The following CDK14 variants were observed in gnomAD, a reference collection of about 807,000 sequenced individuals.
CDK14 encodes the protein cyclin-dependent kinase 14.
A neutral mutation model predicts 60.7 loss-of-function variants in CDK14; 34 were observed. That is an observed-to-expected ratio of 0.56 (90% CI 0.43 to 0.75). The LOEUF (loss-of-function observed/expected upper bound fraction) is 0.75. Ranked by LOEUF, CDK14 falls within the 30% of genes least tolerant of loss-of-function variation. CDK14 has a pLI of 0.00. For synonymous variants in CDK14, 197 were observed against 203.7 expected (o/e 0.97, Z 0.28); for missense variants, 482 against 564.1 (o/e 0.85, Z 1.47).
chr7:90,936,629 G>A (rs548985458), intron 8 of CDK14, among the ~76,000 whole-genome samples: 5 of 152,242 alleles, frequency 3.3e-5, no homozygotes, highest in Admixed American at 2.0e-4. Flanking sequence ...TGTATCTAAA[G>A]CTGAATAATT....
At chr7:90,778,085 A>C (rs1267839791) in intron 4 of CDK14, among the ~76,000 whole-genome samples, 2 of 152,186 alleles carry the variant, frequency 1.3e-5, no homozygotes, top group Admixed American at 6.5e-5. Flanking sequence ...AGTAACTCAT[A>C]AATTTATATG....
In CDK14 at chr7:90,932,740, C is replaced by T. The variant is rs143837855; in HGVS notation, c.826+15016C>T. On this transcript the variant is annotated intron_variant, in intron 8 of 14. Transcript: ENST00000380050. ...GTCTGAGTATGGCCTAGCTGGGTGC[C>T]TCTGCCTCCAGGTGTCCCTTCAGTC... Among the ~76,000 whole-genome samples, 24 of 152,314 alleles carry T rather than the reference C, an allele frequency of 1.6e-4. No homozygotes were observed. The East Asian group carries it at 4.3e-3, about 27-fold the overall frequency.
intron 10 of CDK14, among the ~76,000 whole-genome samples, chr7:90,997,655 T>G (rs1795721038): frequency 6.6e-6 from 1 of 152,216 alleles, no homozygotes; most frequent in Non-Finnish European, 1.5e-5. Flanking sequence ...GTTTGCCAAG[T>G]AGAAAGTAAA....
chr7:90,645,212 A>G (rs1800438184), intron 2 of CDK14, among the ~76,000 whole-genome samples: 1 of 152,164 alleles, frequency 6.6e-6, no homozygotes, highest in Non-Finnish European at 1.5e-5. Context: ...TTTTTTGCAC[A>G]TTGTGGCCTT....
chr7:90,983,778 A>C (rs1795304201), intron 9 of CDK14, among the ~76,000 whole-genome samples: 1 of 152,180 alleles, frequency 6.6e-6, no homozygotes, highest in African/African-American at 2.4e-5. Flanking sequence ...CAGGAAACCA[A>C]ATACTGCATG....
At chr7:91,084,179 A>T (rs1798562561) in intron 12 of CDK14, among the ~76,000 whole-genome samples, 2 of 152,198 alleles carry the variant, frequency 1.3e-5, no homozygotes, top group Admixed American at 1.3e-4. Context: ...TTATGAAGGG[A>T]ATATTATCCA....
rs570725702 is a variant in CDK14, at chr7:90,992,065, G to A, written c.1041+7824G>A. The stretch of plus-strand genomic sequence containing the variant: ...AAAATAAACATTGAGTGGTTCATGT[G>A]TGGAGACATTAGATGGATGTTCTAA... On this transcript the variant is annotated intron_variant, in intron 10 of 14. Coordinates refer to ENST00000380050, the MANE Select transcript of CDK14 (RefSeq NM_001287135.2). Among the ~76,000 whole-genome samples the A allele has an allele frequency of 2.0e-4, 31 of 152,344 alleles. No individual in the cohort carries two copies. In the South Asian group the frequency reaches 6.2e-3, roughly 31 times the overall value.
chr7:91,200,581 A>C (rs1340206306), intron 14 of CDK14, among the ~76,000 whole-genome samples: 2 of 152,128 alleles, frequency 1.3e-5, no homozygotes, highest in Admixed American at 1.3e-4. Flanking sequence ...AATCAGAATA[A>C]ATTCTTTAAA....
intron 2 of CDK14, among the ~76,000 whole-genome samples, chr7:90,620,280 T>C (rs952164513): frequency 2.0e-5 from 3 of 152,228 alleles, no homozygotes; most frequent in African/African-American, 7.2e-5. Context: ...AATTATTAAC[T>C]CAGTTGACTG....
rs528532850 is a variant in CDK14 at position 90,827,947 on chromosome 7, GT to G, written c.545-35224del. 4.5e-3 allele frequency among the ~76,000 whole-genome samples: 686 copies of G among 152,190 alleles called. 6 individuals are homozygous for G. Among genetic ancestry groups the G allele is most frequent in the African/African-American group, 0.013 (552 of 41,532 alleles). On this transcript the variant is annotated intron_variant, in intron 5 of 14. Transcript: ENST00000380050. The stretch of plus-strand genomic sequence containing the variant: ...GTATTGGTGGGAACCTAGTAAAATT[GT>G]TTTATACCTTTCAATTTAAAAATCA...
intron 8 of CDK14, among the ~76,000 whole-genome samples, chr7:90,954,221 T>C (rs948237712): frequency 3.3e-5 from 5 of 152,162 alleles, no homozygotes; most frequent in African/African-American, 1.2e-4. Flanking sequence ...GCTGTCTTAT[T>C]AACTTTAAAA....
intron 5 of CDK14, among the ~76,000 whole-genome samples, chr7:90,844,200 G>A (rs1790388736): frequency 1.3e-5 from 2 of 152,204 alleles, no homozygotes; most frequent in African/African-American, 2.4e-5. Flanking sequence ...GAGCCTGGAG[G>A]GAGGTGACCT....
At chr7:90,851,843 G>C (rs1008714867) in intron 5 of CDK14, among the ~76,000 whole-genome samples, 3 of 151,684 alleles carry the variant, frequency 2.0e-5, no homozygotes, top group African/African-American at 7.3e-5. Flanking sequence ...TATTTTTAGA[G>C]ACAGAGTTTC....
chr7:90,841,691 C>CAG (rs1554351219), intron 5 of CDK14, among the ~76,000 whole-genome samples: 42 of 150,712 alleles, frequency 2.8e-4, no homozygotes, highest in African/African-American at 1.0e-3. Flanking sequence ...CACACACACA[C>CAG]AGGTGTCAGC....
intron 5 of CDK14, among the ~76,000 whole-genome samples, chr7:90,847,584 A>T (rs897162498): frequency 2.0e-5 from 3 of 152,136 alleles, no homozygotes; most frequent in African/African-American, 7.2e-5. Flanking sequence ...TTTTAAATGC[A>T]TACAGTTCTC....
At chr7:90,598,704 A>ATTTGTTTTTTTTT (rs1554416545) in intron 1 of CDK14, among the ~76,000 whole-genome samples, 1 of 87,900 alleles carries the variant, frequency 1.1e-5, no homozygotes, top group Non-Finnish European at 2.3e-5. Flanking sequence ...TTATCTAAGG[A>ATTTGTTTTTTTTT]TTTTTTTTTT....
chr7:91,140,310 G>C (rs1204804525), intron 14 of CDK14, among the ~76,000 whole-genome samples: 2 of 152,182 alleles, frequency 1.3e-5, no homozygotes, highest in Non-Finnish European at 2.9e-5. Context: ...AATTTAAGAG[G>C]TGCTTTTTCT....
intron 10 of CDK14, among the ~76,000 whole-genome samples, chr7:91,013,740 A>G (rs1325578188): frequency 1.4e-5 from 2 of 147,572 alleles, no homozygotes; most frequent in Non-Finnish European, 3.0e-5. Context: ...CTGAGTTAGG[A>G]GAATCATAGT....
At chr7:91,181,650 G>C (rs1021529301) in intron 14 of CDK14, among the ~76,000 whole-genome samples, 3 of 152,126 alleles carry the variant, frequency 2.0e-5, no homozygotes, top group Admixed American at 6.5e-5. Flanking sequence ...TGAAGGCTTG[G>C]TTCTTTCTCT....
Sources: allele counts gnomAD v4.1 joint callset (sites outside exome capture counted in the v4.1 genomes callset), GRCh38; gene constraint gnomAD v4.1.1; transcripts MANE v1.5; gene names NCBI Gene and HGNC (gene_info 2026-07-23, HGNC 2026-07-21).